The following DIPK1C variants were observed in gnomAD, a reference collection of about 807,000 sequenced individuals.
DIPK1C encodes familial non-conventional Alzheimer's dementia.
In DIPK1C, 33 loss-of-function variants were observed where a neutral mutation model predicts 28.0. The observed-to-expected ratio is 1.18, with a 90% confidence interval of 0.89 to 1.58. The LOEUF (loss-of-function observed/expected upper bound fraction) is 1.58, where lower values mean the gene tolerates loss of function less well. Ranked by LOEUF, DIPK1C falls within the 40% of genes most tolerant of loss-of-function variation. The pLI is 0.00. For missense variants in DIPK1C, 569 were observed against 568.5 expected (o/e 1.00, Z -0.01); for synonymous variants, 255 against 248.8 (o/e 1.02, Z -0.23).
At chr18:74,453,216 T>C (rs1400225593) in intron 1 of DIPK1C, among the ~76,000 whole-genome samples, 1 of 152,220 alleles carries the variant, frequency 6.6e-6, no homozygotes, top group Non-Finnish European at 1.5e-5. Flanking sequence ...AGAAAAACTG[T>C]TGATAAGGTC....
chr18:74,457,556 C>G (rs534486291), upstream of DIPK1C, among the ~76,000 whole-genome samples: 1 of 152,300 alleles, frequency 6.6e-6, no homozygotes, highest in South Asian at 2.1e-4. Flanking sequence ...CCCACTTAAA[C>G]GAAATCCGGG....
At chr18:74,445,451 A>G (rs549423655) in intron 2 of DIPK1C, among the ~76,000 whole-genome samples, 1 of 152,360 alleles carries the variant, frequency 6.6e-6, no homozygotes, top group South Asian at 2.1e-4. Context: ...GGTAAGATGT[A>G]TGATGCCCTT....
chr18:74,439,438 A>G (rs961442508), intron 3 of DIPK1C, among the ~76,000 whole-genome samples: 15 of 152,144 alleles, frequency 9.9e-5, no homozygotes, highest in African/African-American at 2.9e-4. Context: ...TCATTAGTCT[A>G]TCTCTGAGAC....
At chr18:74,463,512 G>A in the DIPK1C span, among the ~76,000 whole-genome samples, 1 of 152,066 alleles carries the variant, frequency 6.6e-6, no homozygotes, top group South Asian at 2.1e-4. Context: ...GCTGCTGGTT[G>A]AGATTTCCCT....
upstream of DIPK1C, among the ~76,000 whole-genome samples, chr18:74,460,960 C>T (rs1986607107): frequency 6.6e-6 from 1 of 152,218 alleles, no homozygotes; most frequent in African/African-American, 2.4e-5. Context: ...ACTGTCTGTC[C>T]CTTCCACTAT....
intron 2 of DIPK1C, 67 bp from the exon 3 acceptor site, chr18:74,442,183 C>T: frequency 6.3e-7 from 1 of 1,584,262 alleles, no homozygotes; most frequent in Non-Finnish European, 8.6e-7. Context: ...GGAGCCTGTT[C>T]ACAACTTCTG....
upstream of DIPK1C, among the ~76,000 whole-genome samples, chr18:74,462,524 G>A (rs1249165074): frequency 6.6e-6 from 1 of 152,096 alleles, no homozygotes; most frequent in Non-Finnish European, 1.5e-5. Context: ...TTTGGCTATT[G>A]TACATAGTGC....
Position 74,436,527 on chromosome 18 carries a change from T to G in DIPK1C, c.1234A>C (p.Arg412=), listed in dbSNP as rs781325816. 34 of 1,607,844 alleles carry G rather than the reference T, an allele frequency of 2.1e-5. No individual in the cohort carries two copies. Among genetic ancestry groups the G allele is most frequent in the Non-Finnish European group, 8.5e-7 (1 of 1,178,228 alleles). ...KLRQLLQATL[R]ELQEAEK ...TACTTCTCTGCCTCCTGCAGCTCCC[T>G]CAGTGTGGCTTGGAGGAGTTGGCGA... The change falls in exon 4 of 4, where the codon AGG becomes CGG. Residue 412 remains arginine (R), a synonymous_variant. Coordinates refer to ENST00000343998, the MANE Select transcript of DIPK1C (RefSeq NM_001044369.3).
At chr18:74,449,617 G>A (rs575832978) in intron 1 of DIPK1C, among the ~76,000 whole-genome samples, 10 of 152,322 alleles carry the variant, frequency 6.6e-5, no homozygotes, top group East Asian at 1.9e-4. Flanking sequence ...TGCATTGGGC[G>A]GGGATGAGGG....
chr18:74,454,749 G>T (rs1375427802), intron 1 of DIPK1C, among the ~76,000 whole-genome samples: 3 of 152,222 alleles, frequency 2.0e-5, no homozygotes, highest in Admixed American at 2.0e-4. Context: ...GCCCAGCAGA[G>T]TTGGGATTGT....
intron 1 of DIPK1C, among the ~76,000 whole-genome samples, chr18:74,453,749 T>C (rs1218723655): frequency 6.6e-6 from 1 of 152,194 alleles, no homozygotes; most frequent in Non-Finnish European, 1.5e-5. Context: ...ACGTCATTGC[T>C]ACCATCAGAC....
At chr18:74,456,592 C>A (rs567756447) in intron 1 of DIPK1C, among the ~76,000 whole-genome samples, 134 of 152,336 alleles carry the variant, frequency 8.8e-4, no homozygotes, top group Middle Eastern at 3.4e-3. Context: ...GGTGACCTGG[C>A]AGCTCAGGGT....
chr18:74,451,319 T>C (rs1175268831), intron 1 of DIPK1C, among the ~76,000 whole-genome samples: 3 of 152,112 alleles, frequency 2.0e-5, no homozygotes, highest in Non-Finnish European at 4.4e-5. Flanking sequence ...GTGTCTCCAT[T>C]GTACTTACAC....
intron 1 of DIPK1C, among the ~76,000 whole-genome samples, chr18:74,450,127 T>C (rs1213938611): frequency 6.6e-6 from 1 of 152,108 alleles, no homozygotes; most frequent in East Asian, 1.9e-4. Flanking sequence ...GTAAGGGCTG[T>C]TCATTTTACT....
chr18:74,439,502 G>C (rs777167075), intron 3 of DIPK1C, among the ~76,000 whole-genome samples: 1 of 152,100 alleles, frequency 6.6e-6, no homozygotes, highest in African/African-American at 2.4e-5. Context: ...AGAATTTTGG[G>C]GGTAATTTGG....
chr18:74,436,204 G>A lies in DIPK1C; in HGVS notation c.*297C>T, dbSNP rs918947993. The stretch of plus-strand genomic sequence containing the variant: ...CGTGCTGGGATAACCAGGTACAAGT[G>A]CTCTCTGCAGAGAATAAGTGCACAC... On this transcript the variant is annotated 3_prime_UTR_variant, in exon 4 of 4. Transcript: ENST00000343998. 7.5e-6 allele frequency: 3 copies of A among 401,198 alleles called. No homozygotes were observed. Among genetic ancestry groups the A allele is most frequent in the Middle Eastern group, 6.6e-4 (1 of 1,512 alleles). 24.9% of individuals were successfully genotyped at this position (401,198 alleles called of 1,614,324 possible).
rs1298931579 is a variant in DIPK1C, at chr18:74,446,916, G to T, written c.566C>A (p.Ala189Asp). 3.3e-6 allele frequency: 5 copies of T among 1,507,550 alleles called. No homozygotes were observed. The East Asian group carries it at 7.4e-5, about 22-fold the overall frequency. 93.4% of individuals were successfully genotyped at this position (1,507,550 alleles called of 1,614,324 possible). Residue 189 changes from alanine (A) to aspartate (D), a missense_variant, in exon 2 of 4, where the codon GCC (alanine) becomes GAC (aspartate). Coordinates refer to ENST00000343998, the MANE Select transcript of DIPK1C (RefSeq NM_001044369.3). The stretch of plus-strand genomic sequence containing the variant: ...GACGTACTCCTCCTGCTGCAGCAGG[G>T]CCCACAGGCTGGCCAGCTGTCCCCG... Reference protein sequence around the residue: ...RWRGQLASLWALLQQEEYVYF... With the variant: ...RWRGQLASLWDLLQQEEYVYF...
At chr18:74,436,902 C>G (rs1026998956) in intron 3 of DIPK1C, among the ~76,000 whole-genome samples, 183 bp from the exon 4 acceptor site, 8 of 151,744 alleles carry the variant, frequency 5.3e-5, no homozygotes, top group African/African-American at 1.9e-4. Context: ...CCCTTAAACC[C>G]TTCAGCACCA....
Position 74,446,744 on chromosome 18 carries a change from C to T in DIPK1C, c.738G>A (p.Gly246=), listed in dbSNP as rs1488955996. Residue 246 remains glycine, a synonymous_variant, in exon 2 of 4, where the codon GGG becomes GGA. Coordinates refer to ENST00000343998, the MANE Select transcript of DIPK1C (RefSeq NM_001044369.3). Reference sequence around the variant, plus strand: ...CACTGATGGCCTTGGCCTGGCCACCCCCAGGGGCACCTGGGGCCCGGTCCA... The same window carrying T: ...CACTGATGGCCTTGGCCTGGCCACCTCCAGGGGCACCTGGGGCCCGGTCCA... ...FPLDRAPGAP[G]GGQAKAISDI... 5 of 1,533,416 alleles carry T rather than the reference C, an allele frequency of 3.3e-6. No individual in the cohort carries two copies. The highest frequency in any genetic ancestry group is 4.4e-6 in the Non-Finnish European group (5 of 1,137,994). The allele number at this position is 1,533,416 out of a possible 1,614,324, so 95.0% of individuals were successfully genotyped here. A position where few individuals can be genotyped will look rare whatever the true frequency, so the allele number is the denominator to read the frequency against.
Sources: allele counts gnomAD v4.1 joint callset (sites outside exome capture counted in the v4.1 genomes callset), GRCh38; gene constraint gnomAD v4.1.1; transcripts MANE v1.5; gene names NCBI Gene and HGNC (gene_info 2026-07-23, HGNC 2026-07-21).